PARD3: variants seen among roughly 807,000 people sequenced by gnomAD.
The protein encoded by PARD3 is par-3 family cell polarity regulator, also known as partitioning defective 3 homolog.
PARD3 carries 75 observed loss-of-function variants against 155.4 expected under a neutral mutation model. That is an observed-to-expected ratio of 0.48 (90% CI 0.40 to 0.58). The LOEUF (loss-of-function observed/expected upper bound fraction) is 0.58. Among genes scored for constraint, PARD3 ranks in the 20% least tolerant of loss-of-function variants. The probability of loss-of-function intolerance (pLI) is 0.00; values close to 1 mark genes in which losing one functional copy is unlikely to be tolerated. For synonymous variants in PARD3, 576 were observed against 610.5 expected (o/e 0.94, Z 0.83); for missense variants, 1,642 against 1,721.7 (o/e 0.95, Z 0.82).
At chr10:34,432,692 G>C (rs902698434) in intron 5 of PARD3, among the ~76,000 whole-genome samples, 1 of 152,076 alleles carries the variant, frequency 6.6e-6, no homozygotes, top group Admixed American at 6.6e-5. Flanking sequence ...CCATCTCAGG[G>C]AAAACATAAA....
chr10:34,810,262 G>C (rs2134419673), intron 1 of PARD3, among the ~76,000 whole-genome samples: 1 of 152,210 alleles, frequency 6.6e-6, no homozygotes, highest in South Asian at 2.1e-4. Context: ...ATTACCTTCA[G>C]GCTATGTGTA....
chr10:34,368,347 T>C lies in PARD3; in HGVS notation c.1707+4151A>G, dbSNP rs1589327237. ...ATGAGATAGGTAGAAGTCAGTAGGA[T>C]TAGAAGTTGGCGTCCGTATGGACAG... On this transcript the variant is annotated intron_variant, in intron 12 of 24. Transcript: ENST00000374788. 2.0e-5 allele frequency among the ~76,000 whole-genome samples: 3 copies of C among 152,164 alleles called. No individual in the cohort carries two copies. In the East Asian group the frequency reaches 5.8e-4, roughly 29 times the overall value.
chr10:34,383,019 T>G (rs1842009731), intron 8 of PARD3, 97 bp from the exon 9 acceptor site: 1 of 1,342,610 alleles, frequency 7.4e-7, no homozygotes, highest in Non-Finnish European at 1.0e-6. Flanking sequence ...CAATAAGAAC[T>G]GACAGGCTGT....
intron 22 of PARD3, among the ~76,000 whole-genome samples, chr10:34,214,766 A>G (rs550904051): frequency 1.3e-5 from 2 of 152,246 alleles, no homozygotes; most frequent in Non-Finnish European, 2.9e-5. Context: ...TTTCAGGAGA[A>G]GCATAACATC....
At chr10:34,142,755 A>G in intron 22 of PARD3, among the ~76,000 whole-genome samples, 1 of 152,164 alleles carries the variant, frequency 6.6e-6, no homozygotes, top group East Asian at 1.9e-4. Flanking sequence ...TACTTTTCAT[A>G]GTGTGATTTT....
intron 15 of PARD3, chr10:34,344,844 C>A: frequency 1.0e-6 from 1 of 985,404 alleles, no homozygotes; most frequent in Non-Finnish European, 1.2e-6. Flanking sequence ...TAAAGAAAAA[C>A]ATGCATCCAA....
chr10:34,569,501 T>C (rs1233375353), intron 2 of PARD3, among the ~76,000 whole-genome samples: 1 of 152,098 alleles, frequency 6.6e-6, no homozygotes, highest in East Asian at 1.9e-4. Context: ...CACTGCAAGC[T>C]CTGCCTCCCG....
At chr10:34,738,338 A>G (rs1214886569) in intron 1 of PARD3, among the ~76,000 whole-genome samples, 2 of 152,206 alleles carry the variant, frequency 1.3e-5, no homozygotes, top group African/African-American at 4.8e-5. Context: ...GAAGAATCCC[A>G]TTTTCGTTTG....
At chr10:34,365,638 A>C (rs546699186) in intron 12 of PARD3, among the ~76,000 whole-genome samples, 1 of 152,222 alleles carries the variant, frequency 6.6e-6, no homozygotes, top group South Asian at 2.1e-4. Context: ...GCCCAGGCTG[A>C]AGTGCAGTGG....
At position 34,262,921 on chromosome 10, in the gene PARD3, G is replaced by A. The variant is rs531770253; in HGVS notation, c.3419+6736C>T. ...TTATATTATAGAAGCCATCTGGAAT[G>A]CCTTATCCTGAATTCAGTAACTCCT... is the stretch of plus-strand genomic sequence containing the variant. On this transcript the variant is annotated intron_variant, in intron 22 of 24. Transcript: ENST00000374788. Among the ~76,000 whole-genome samples the A allele has an allele frequency of 3.3e-5, 5 of 152,266 alleles. 1 individual carries two copies. Among genetic ancestry groups the A allele is most frequent in the African/African-American group, 1.2e-4 (5 of 41,548 alleles).
chr10:34,707,129 C>T (rs191652474), intron 1 of PARD3, among the ~76,000 whole-genome samples: 30 of 151,702 alleles, frequency 2.0e-4, no homozygotes, highest in Admixed American at 3.9e-4. Flanking sequence ...ACCTGTGGTC[C>T]GAGCCACTTG....
At chr10:34,111,648 A>C in intron 24 of PARD3, 86 bp from the exon 25 acceptor site, 2 of 1,099,844 alleles carry the variant, frequency 1.8e-6, no homozygotes, top group Non-Finnish European at 2.6e-6. Flanking sequence ...TGGAATATGC[A>C]TTTTCACTTT....
At chr10:34,563,114 T>A (rs1337052540) in intron 2 of PARD3, among the ~76,000 whole-genome samples, 1 of 152,192 alleles carries the variant, frequency 6.6e-6, no homozygotes, top group African/African-American at 2.4e-5. Flanking sequence ...TCTAATTCCA[T>A]GAATATCAGT....
chr10:34,666,492 A>C (rs2093474215), intron 2 of PARD3, among the ~76,000 whole-genome samples: 2 of 152,024 alleles, frequency 1.3e-5, no homozygotes, highest in Non-Finnish European at 2.9e-5. Flanking sequence ...GAATTGCTCA[A>C]GAAAACCCCG....
At chr10:34,136,548 G>T (rs192683741) in intron 22 of PARD3, among the ~76,000 whole-genome samples, 2 of 152,072 alleles carry the variant, frequency 1.3e-5, no homozygotes, top group African/African-American at 2.4e-5. Context: ...CCCATAGCAG[G>T]GGGGAGAAAA....
At chr10:34,350,632 G>GT (rs202151132) in intron 14 of PARD3, among the ~76,000 whole-genome samples, 2,356 of 145,682 alleles carry the variant, frequency 0.016, 30 homozygotes, top group East Asian at 0.055. Context: ...CTCCATCTTG[G>GT]CGGGGGGGGA....
chr10:34,762,514 G>A (rs1837592412), intron 1 of PARD3, among the ~76,000 whole-genome samples: 1 of 125,592 alleles, frequency 8.0e-6, no homozygotes, highest in East Asian at 2.5e-4. Flanking sequence ...CCACTAGGTT[G>A]CCCAGGCTGG....
At chr10:34,605,173 A>G (rs899355392) in intron 2 of PARD3, among the ~76,000 whole-genome samples, 1 of 143,514 alleles carries the variant, frequency 7.0e-6, no homozygotes. Flanking sequence ...AACAGCCCCA[A>G]AATGAAATTT....
At chr10:34,614,016 G>A (rs2091088120) in intron 2 of PARD3, among the ~76,000 whole-genome samples, 1 of 152,024 alleles carries the variant, frequency 6.6e-6, no homozygotes, top group Non-Finnish European at 1.5e-5. Context: ...TATAAACAGG[G>A]AAACATGAGA....
Sources: gnomAD v4.1 joint callset for allele counts (sites outside exome capture counted in the v4.1 genomes callset) on GRCh38, gnomAD v4.1.1 for gene constraint, MANE v1.5 for transcripts, NCBI Gene and HGNC (gene_info 2026-07-23, HGNC 2026-07-21) for gene names.